The following NCKAP5 variants were observed in gnomAD, a reference collection of about 807,000 sequenced individuals.
NCKAP5 encodes the protein nck-associated protein 5.
In NCKAP5, 92 loss-of-function variants were observed where a neutral mutation model predicts 167.0. That is an observed-to-expected ratio of 0.55 (90% confidence interval 0.47 to 0.66). The LOEUF (loss-of-function observed/expected upper bound fraction) is 0.66, where lower values mean the gene tolerates loss of function less well. NCKAP5 is among the 30% of genes least tolerant of loss of function. NCKAP5 has a pLI of 0.00. For synonymous variants in NCKAP5, 891 were observed against 877.4 expected (o/e 1.02, Z -0.27); for missense variants, 2,378 against 2,315.0 (o/e 1.03, Z -0.56).
At chr2:133,354,734 A>G (rs367560993) in intron 3 of NCKAP5, among the ~76,000 whole-genome samples, 10 of 152,210 alleles carry the variant, frequency 6.6e-5, no homozygotes, top group East Asian at 5.8e-4. Context: ...GACTATAAAT[A>G]ACTTCTAATA....
intron 9 of NCKAP5, among the ~76,000 whole-genome samples, chr2:132,875,536 C>T (rs1691196082): frequency 6.6e-6 from 1 of 152,200 alleles, no homozygotes; most frequent in African/African-American, 2.4e-5. Flanking sequence ...GTGAGGCTGA[C>T]ATCCAGTAAA....
intron 4 of NCKAP5, among the ~76,000 whole-genome samples, chr2:133,234,094 C>G (rs1460975691): frequency 6.6e-6 from 1 of 152,128 alleles, no homozygotes; most frequent in Non-Finnish European, 1.5e-5. Flanking sequence ...AAGGGAGGAT[C>G]GCATGAGAGC....
At chr2:132,709,743 A>G (rs571990461) in intron 19 of NCKAP5, among the ~76,000 whole-genome samples, 1 of 152,262 alleles carries the variant, frequency 6.6e-6, no homozygotes, top group East Asian at 1.9e-4. Context: ...ACCCTGATAT[A>G]TTAACAAATT....
At chr2:132,774,014 A>G in intron 15 of NCKAP5, 120 bp from the exon 16 acceptor site, 1 of 731,214 alleles carries the variant, frequency 1.4e-6, no homozygotes, top group South Asian at 1.8e-5. Context: ...GAGTGTTTGC[A>G]TGTATATACA....
At chr2:133,083,128 C>A (rs1015662257) in intron 6 of NCKAP5, among the ~76,000 whole-genome samples, 2 of 152,052 alleles carry the variant, frequency 1.3e-5, no homozygotes, top group Non-Finnish European at 2.9e-5. Flanking sequence ...AAAACCCAGT[C>A]AACAATATCT....
chr2:133,279,720 G>T (rs1333175569), intron 4 of NCKAP5, among the ~76,000 whole-genome samples: 3 of 152,180 alleles, frequency 2.0e-5, no homozygotes, highest in Non-Finnish European at 4.4e-5. Context: ...GCACACCGTT[G>T]TTCTATGATA....
intron 4 of NCKAP5, among the ~76,000 whole-genome samples, chr2:133,255,106 C>T (rs2088550861): frequency 6.6e-6 from 1 of 151,866 alleles, no homozygotes; most frequent in Non-Finnish European, 1.5e-5. Flanking sequence ...AAATACTGGA[C>T]ATAAAGGACT....
At chr2:133,151,033 G>C (rs928052528) in intron 5 of NCKAP5, among the ~76,000 whole-genome samples, 1 of 152,162 alleles carries the variant, frequency 6.6e-6, no homozygotes, top group African/African-American at 2.4e-5. Flanking sequence ...GTCTACTGAA[G>C]GGGATTTGGT....
intron 6 of NCKAP5, among the ~76,000 whole-genome samples, chr2:133,040,147 A>T (rs559437341): frequency 1.3e-5 from 2 of 152,176 alleles, no homozygotes; most frequent in Admixed American, 1.3e-4. Context: ...CTGGAAATGG[A>T]GGAAAATGTG....
chr2:133,562,833 C>T (rs1265450057), intron 1 of NCKAP5, among the ~76,000 whole-genome samples: 1 of 152,108 alleles, frequency 6.6e-6, no homozygotes, highest in East Asian at 1.9e-4. Flanking sequence ...CAAACTGACA[C>T]GATACACTTC....
intron 5 of NCKAP5, among the ~76,000 whole-genome samples, chr2:133,141,025 C>T (rs1412073032): frequency 1.3e-5 from 2 of 152,030 alleles, no homozygotes; most frequent in Non-Finnish European, 2.9e-5. Context: ...CATGAATCCT[C>T]TTGACCCCCC....
chr2:132,763,956 C>T (rs1681232889), intron 16 of NCKAP5, among the ~76,000 whole-genome samples: 2 of 152,072 alleles, frequency 1.3e-5, no homozygotes, highest in African/African-American at 4.8e-5. Flanking sequence ...ATTTAGCTCC[C>T]TGGTGCAATC....
chr2:133,278,779 C>G, intron 4 of NCKAP5, among the ~76,000 whole-genome samples: 1 of 103,808 alleles, frequency 9.6e-6, no homozygotes, highest in Non-Finnish European at 2.0e-5. Context: ...CATCCCTAAA[C>G]TACAAAAAAA....
At chr2:133,474,157 C>T (rs11894729) in intron 3 of NCKAP5, among the ~76,000 whole-genome samples, 17,299 of 88,056 alleles carry the variant, frequency 0.2, 1,194 homozygotes, top group African/African-American at 0.4. Context: ...TCTATCTATA[C>T]ACACACACAC....
intron 5 of NCKAP5, among the ~76,000 whole-genome samples, chr2:133,185,683 C>T (rs1423147353): frequency 6.6e-6 from 1 of 151,492 alleles, no homozygotes; most frequent in Admixed American, 6.6e-5. Flanking sequence ...CTTTCACCTC[C>T]TTAGCTGTAT....
intron 3 of NCKAP5, among the ~76,000 whole-genome samples, chr2:133,442,853 G>C (rs1219607714): frequency 1.3e-5 from 2 of 152,212 alleles, no homozygotes; most frequent in Non-Finnish European, 2.9e-5. Flanking sequence ...CTGCTGCCCT[G>C]AAGGCTTACC....
At chr2:132,951,871 T>G (rs1233883084) in intron 8 of NCKAP5, among the ~76,000 whole-genome samples, 2 of 152,202 alleles carry the variant, frequency 1.3e-5, no homozygotes, top group African/African-American at 4.8e-5. Flanking sequence ...GTAATTTTTA[T>G]TCATGACACT....
chr2:133,115,423 C>G (rs13385679), intron 6 of NCKAP5, among the ~76,000 whole-genome samples: 9,614 of 152,144 alleles, frequency 0.063, 401 homozygotes, highest in East Asian at 0.19. Flanking sequence ...CAAGTCACTT[C>G]AAATGATTGT....
chr2:132,811,435 T>C (rs1459092124), intron 11 of NCKAP5, among the ~76,000 whole-genome samples: 1 of 152,042 alleles, frequency 6.6e-6, no homozygotes, highest in Non-Finnish European at 1.5e-5. Context: ...CTTGGGTACA[T>C]CTTGCTGCTG....
Sources: allele counts gnomAD v4.1 joint callset (sites outside exome capture counted in the v4.1 genomes callset), GRCh38; gene constraint gnomAD v4.1.1; transcripts MANE v1.5; gene names NCBI Gene and HGNC (gene_info 2026-07-23, HGNC 2026-07-21).